Variants in ATP2B4 observed in about 807,000 individuals in gnomAD.
The protein encoded by ATP2B4 is ATPase plasma membrane Ca2+ transporting 4, also known as plasma membrane calcium-transporting ATPase 4.
ATP2B4 carries 39 observed loss-of-function variants against 110.3 expected under a neutral mutation model. The observed-to-expected ratio is 0.35, with a 90% CI of 0.27 to 0.46. The LOEUF is 0.46. Among genes scored for constraint, ATP2B4 ranks in the 20% least tolerant of loss-of-function variants. ATP2B4 has a pLI of 1.00. For missense variants in ATP2B4, 1,135 were observed against 1,530.9 expected, an observed-to-expected ratio of 0.74 and a Z score of 4.32; for synonymous variants, 538 against 571.7, an observed-to-expected ratio of 0.94 and a Z score of 0.84.
At chr1:203,726,771 G>A (rs1389198082) in intron 19 of ATP2B4, among the ~76,000 whole-genome samples, 2 of 152,098 alleles carry the variant, frequency 1.3e-5, no homozygotes, top group East Asian at 1.9e-4. Context: ...CAAACCCTAT[G>A]TACTGCTCCT....
chr1:203,630,367 C>CTT (rs1367793225), intron 1 of ATP2B4, among the ~76,000 whole-genome samples: 1 of 9,414 alleles, frequency 1.1e-4, no homozygotes, highest in East Asian at 3.0e-3. Context: ...CTCTCTCTCT[C>CTT]TCTTTTTTTT....
chr1:203,647,790 G>GA (rs374178268), intron 1 of ATP2B4, among the ~76,000 whole-genome samples: 10 of 148,558 alleles, frequency 6.7e-5, no homozygotes, highest in Non-Finnish European at 1.2e-4. Flanking sequence ...AAATGATTAG[G>GA]AAAAAAAAAA....
At chr1:203,729,443 G>T (rs1666624582) in intron 20 of ATP2B4, 1 of 359,058 alleles carries the variant, frequency 2.8e-6, no homozygotes, top group Admixed American at 3.7e-5. Flanking sequence ...TACTCTGGAG[G>T]CTGAGGCAGG....
At chr1:203,631,751 C>G (rs1449253267) in intron 1 of ATP2B4, among the ~76,000 whole-genome samples, 1 of 152,164 alleles carries the variant, frequency 6.6e-6, no homozygotes, top group Non-Finnish European at 1.5e-5. Context: ...AGAAGGTGCT[C>G]ATTCACAAAT....
chr1:203,727,726 C>A, intron 20 of ATP2B4, 155 bp downstream of exon 20: 1 of 885,628 alleles, frequency 1.1e-6, no homozygotes. Context: ...AGGACAGACA[C>A]GCAAAAGGAT....
intron 17 of ATP2B4, 87 bp from the exon 18 acceptor site, chr1:203,722,391 A>G: frequency 9.4e-7 from 1 of 1,062,420 alleles, no homozygotes; most frequent in South Asian, 1.4e-5. Flanking sequence ...GACACCAGCC[A>G]TAAGCAAGCA....
chr1:203,633,434 T>C (rs1164194770), intron 1 of ATP2B4, among the ~76,000 whole-genome samples: 1 of 152,062 alleles, frequency 6.6e-6, no homozygotes, highest in Non-Finnish European at 1.5e-5. Flanking sequence ...CACTCTAGAA[T>C]GGGTGATAAA....
At chr1:203,730,709 CT>C (rs1463678822) in intron 20 of ATP2B4, among the ~76,000 whole-genome samples, 1 of 152,218 alleles carries the variant, frequency 6.6e-6, no homozygotes, top group Non-Finnish European at 1.5e-5. Flanking sequence ...TCTACAAGGT[CT>C]TTTTGGTTTC....
In ATP2B4 at chr1:203,710,888, T is replaced by C. The variant is rs1665987549; in HGVS notation, c.1811T>C (p.Ile604Thr). 8.1e-6 allele frequency: 13 copies of C among 1,612,836 alleles called. No individual in the cohort carries two copies. The highest frequency in any genetic ancestry group is 1.3e-5 in the African/African-American group (1 of 74,898). ...SEIILRKCNR[I>T]LDRKGEAVPF... ...GTGCGCCTCCCCAGGTGTAATCGAA[T>C]CCTGGACCGGAAAGGGGAAGCAGTG... The change falls in exon 12 of 21, where the codon ATC becomes ACC. Residue 604 changes from isoleucine (I) to threonine (T), a missense_variant. Physicochemically the swap from Ile to Thr is moderately conservative, Grantham distance 89. Transcript: ENST00000357681.
intron 20 of ATP2B4, chr1:203,728,231 C>T (rs545567955): frequency 4.3e-6 from 2 of 469,562 alleles, no homozygotes; most frequent in Non-Finnish European, 8.8e-6. Context: ...CTTGCAATTT[C>T]TGAAATGGGA....
At position 203,740,568 on chromosome 1, in the gene ATP2B4, C is replaced by A. The variant is rs949734042; in HGVS notation, c.*714C>A. On this transcript the variant is annotated 3_prime_UTR_variant, in exon 21 of 21. Transcript: ENST00000357681. ...TTTAGTTCCAGAATCCAACCAGTTT[C>A]TTTGTTAAAAGGGTCCTTTTGAAGC... is the stretch of plus-strand genomic sequence containing the variant. The A allele has an allele frequency of 1.3e-5, 2 of 151,542 alleles. No homozygotes were observed. Among genetic ancestry groups the A allele is most frequent in the Non-Finnish European group, 2.9e-5 (2 of 67,958 alleles). The allele number at this position is 151,542 out of a possible 1,614,324, so 9.4% of individuals were successfully genotyped here.
chr1:203,710,747 G>A, intron 11 of ATP2B4, 130 bp from the exon 12 acceptor site: 1 of 742,098 alleles, frequency 1.3e-6, no homozygotes, highest in Non-Finnish European at 2.3e-6. Flanking sequence ...GATGAATGAA[G>A]GAAATGTTTG....
At chr1:203,673,365 T>C (rs1289018703) in intron 1 of ATP2B4, among the ~76,000 whole-genome samples, 1 of 152,196 alleles carries the variant, frequency 6.6e-6, no homozygotes, top group African/African-American at 2.4e-5. Flanking sequence ...GGAAGCATGA[T>C]CAGTTCGCTT....
chr1:203,702,021 T>G, intron 6 of ATP2B4, 23 bp from the exon 7 acceptor site: 1 of 1,613,948 alleles, frequency 6.2e-7, no homozygotes, highest in Non-Finnish European at 8.5e-7. Context: ...TCGACCCCAC[T>G]TTTTTCTTTC....
intron 9 of ATP2B4, among the ~76,000 whole-genome samples, chr1:203,707,605 A>G (rs1665887312): frequency 6.6e-6 from 1 of 152,058 alleles, no homozygotes; most frequent in South Asian, 2.1e-4. Context: ...TACTTTTTGT[A>G]TCTTTTACAG....
intron 2 of ATP2B4, among the ~76,000 whole-genome samples, chr1:203,694,610 G>C (rs183309158): frequency 6.6e-6 from 1 of 152,156 alleles, no homozygotes; most frequent in Non-Finnish European, 1.5e-5. Context: ...GATAAGGACT[G>C]GGGGGCTGGG....
chr1:203,688,644 C>CATT (rs1394792873), intron 2 of ATP2B4, among the ~76,000 whole-genome samples: 1 of 152,062 alleles, frequency 6.6e-6, no homozygotes, highest in Non-Finnish European at 1.5e-5. Context: ...CTTGAGTATA[C>CATT]ATTAGCTAGT....
Position 203,721,416 on chromosome 1 carries a change from C to A in ATP2B4, c.2812+6C>A. 1 of 1,613,440 alleles carries A rather than the reference C, an allele frequency of 6.2e-7. No individual in the cohort carries two copies. Among genetic ancestry groups the A allele is most frequent in the Non-Finnish European group, 8.5e-7 (1 of 1,179,624 alleles). On this transcript the variant is annotated splice_donor_region_variant and intron_variant, in intron 17 of 20. Coordinates refer to ENST00000357681, the MANE Select transcript of ATP2B4 (RefSeq NM_001684.5). ...CTTTATCCTTGTCTTTGCGGGTGAG[C>A]CACTTTGGGGGTGGGTAGCAGCTGG...
At chr1:203,648,114 T>A (rs768171367) in intron 1 of ATP2B4, among the ~76,000 whole-genome samples, 42 of 152,070 alleles carry the variant, frequency 2.8e-4, no homozygotes, top group Non-Finnish European at 5.4e-4. Context: ...GTGAGTGAGA[T>A]TACTCATTCA....
Sources: gnomAD v4.1 joint callset for allele counts (sites outside exome capture counted in the v4.1 genomes callset) on GRCh38, gnomAD v4.1.1 for gene constraint, MANE v1.5 for transcripts, NCBI Gene and HGNC (gene_info 2026-07-23, HGNC 2026-07-21) for gene names.